Variants in PTPRT observed in about 807,000 individuals in gnomAD.
PTPRT encodes the protein protein tyrosine phosphatase receptor type T.
A neutral mutation model predicts 176.8 loss-of-function variants in PTPRT; 56 were observed. That is an observed-to-expected ratio of 0.32 (90% CI 0.26 to 0.40). The LOEUF (loss-of-function observed/expected upper bound fraction) is 0.40, where lower values mean the gene tolerates loss of function less well. Ranked by LOEUF, PTPRT falls within the 10% of genes least tolerant of loss-of-function variation. The probability of loss-of-function intolerance (pLI) is 1.00; values close to 1 mark genes in which losing one functional copy is unlikely to be tolerated. For missense variants in PTPRT, 1,540 were observed against 1,908.2 expected, an observed-to-expected ratio of 0.81 and a Z score of 3.60; for synonymous variants, 783 against 739.0, an observed-to-expected ratio of 1.06 and a Z score of -0.96.
At chr20:42,319,478 A>G (rs59394265) in intron 11 of PTPRT, among the ~76,000 whole-genome samples, 2,057 of 152,276 alleles carry the variant, frequency 0.014, 42 homozygotes, top group African/African-American at 0.046. Flanking sequence ...TATTGTGCCA[A>G]AATATACCCA....
chr20:42,515,817 C>T lies in PTPRT; in HGVS notation c.1154-43255G>A, dbSNP rs528740913. Reference sequence around the variant, plus strand: ...GACACATGCACACGTATGTTTATTGCGGCATTATTCACAATAGCAAAGACT... The same window carrying T: ...GACACATGCACACGTATGTTTATTGTGGCATTATTCACAATAGCAAAGACT... On this transcript the variant is annotated intron_variant, in intron 7 of 30. Transcript: ENST00000373187. 7.9e-3 allele frequency among the ~76,000 whole-genome samples: 1,193 copies of T among 150,780 alleles called. 21 individuals are homozygous for T. The highest frequency in any genetic ancestry group is 0.028 in the African/African-American group (1,143 of 40,916).
rs1163715131 is a variant in PTPRT at position 42,074,004 on chromosome 20, A to C, written c.*6875T>G. ...CTATTAAGTTTCACTCATGGGTCCTAGTTATACTCAGAGGAGTGACCTGGG... is the reference window on the plus strand; with the variant it reads ...CTATTAAGTTTCACTCATGGGTCCTCGTTATACTCAGAGGAGTGACCTGGG... On this transcript the variant is annotated 3_prime_UTR_variant, in exon 31 of 31. Transcript: ENST00000373187. 4.3e-6 allele frequency: 1 copy of C among 230,468 alleles called. No individual in the cohort carries two copies. The highest frequency in any genetic ancestry group is 2.2e-5 in the African/African-American group (1 of 45,178). The allele number at this position is 230,468 out of a possible 1,614,324, so 14.3% of individuals were successfully genotyped here. A position where few individuals can be genotyped will look rare whatever the true frequency, so the allele number is the denominator to read the frequency against.
intron 3 of PTPRT, among the ~76,000 whole-genome samples, chr20:42,781,968 A>G (rs2077221679): frequency 6.6e-6 from 1 of 152,158 alleles, no homozygotes; most frequent in South Asian, 2.1e-4. Flanking sequence ...ATCTTTAATT[A>G]TAGTGTCTAC....
chr20:42,626,941 G>A (rs1169429060), intron 7 of PTPRT, among the ~76,000 whole-genome samples: 2 of 152,174 alleles, frequency 1.3e-5, no homozygotes, highest in Non-Finnish European at 2.9e-5. Context: ...GAGAACCACT[G>A]TCATTCATTT....
chr20:42,926,022 G>A (rs1163867065), intron 1 of PTPRT, among the ~76,000 whole-genome samples: 1 of 152,216 alleles, frequency 6.6e-6, no homozygotes. Flanking sequence ...ACCCTGCCAG[G>A]TAAAGCTTTT....
chr20:42,897,778 T>C (rs1030509555), intron 1 of PTPRT, among the ~76,000 whole-genome samples: 2 of 152,190 alleles, frequency 1.3e-5, no homozygotes, highest in Admixed American at 1.3e-4. Flanking sequence ...TTCTATGTGC[T>C]TCATTTCTCC....
chr20:42,191,496 G>T (rs1182113772), intron 16 of PTPRT, among the ~76,000 whole-genome samples: 1 of 152,168 alleles, frequency 6.6e-6, no homozygotes, highest in African/African-American at 2.4e-5. Context: ...CATTCCGTGG[G>T]CATGGACCAA....
chr20:42,059,556 T>C, the PTPRT span, among the ~76,000 whole-genome samples: 6 of 152,174 alleles, frequency 3.9e-5, no homozygotes, highest in South Asian at 2.1e-4. Flanking sequence ...AAAAAGGCAG[T>C]GTTTTTTATG....
chr20:42,917,043 A>G (rs1248612852), intron 1 of PTPRT, among the ~76,000 whole-genome samples: 3 of 152,170 alleles, frequency 2.0e-5, no homozygotes, highest in African/African-American at 7.2e-5. Context: ...GCCCATGCCT[A>G]TATCCTGAAT....
intron 22 of PTPRT, among the ~76,000 whole-genome samples, chr20:42,113,584 G>C (rs1987125661): frequency 6.6e-6 from 1 of 152,222 alleles, no homozygotes; most frequent in East Asian, 1.9e-4. Context: ...ACGCCTTAAG[G>C]GGGACAACTC....
At chr20:43,038,956 G>T (rs751622049) in intron 1 of PTPRT, among the ~76,000 whole-genome samples, 1 of 152,176 alleles carries the variant, frequency 6.6e-6, no homozygotes, top group Non-Finnish European at 1.5e-5. Flanking sequence ...ATGCCAGGAG[G>T]TATGTTGTAC....
At chr20:42,969,146 T>C (rs1364821470) in intron 1 of PTPRT, 1 of 152,248 alleles carries the variant, frequency 6.6e-6, no homozygotes, top group East Asian at 1.9e-4. Flanking sequence ...AGGAAAATGC[T>C]CTTTTGGTGA....
At chr20:42,084,907 A>C (rs1983726642) in intron 28 of PTPRT, 62 bp from the exon 29 acceptor site, 1 of 1,318,574 alleles carries the variant, frequency 7.6e-7, no homozygotes. Flanking sequence ...TGCACCTTGC[A>C]GATACCCCGG....
At chr20:42,947,294 T>C (rs1340057500) in intron 1 of PTPRT, among the ~76,000 whole-genome samples, 1 of 152,210 alleles carries the variant, frequency 6.6e-6, no homozygotes, top group African/African-American at 2.4e-5. Flanking sequence ...CTAGAGAGAC[T>C]TGTGCTTGTT....
intron 2 of PTPRT, among the ~76,000 whole-genome samples, chr20:42,794,784 G>T (rs1286586722): frequency 4.7e-5 from 7 of 149,636 alleles, no homozygotes; most frequent in Admixed American, 2.0e-4. Context: ...AGCCTTGGTG[G>T]TAACTTGGGA....
chr20:43,160,316 C>T (rs976842628), intron 1 of PTPRT, among the ~76,000 whole-genome samples: 6 of 152,228 alleles, frequency 3.9e-5, no homozygotes, highest in Non-Finnish European at 7.3e-5. Context: ...GGCTTGGTTA[C>T]TGACACACAA....
At chr20:42,915,383 G>C (rs569314948) in intron 1 of PTPRT, among the ~76,000 whole-genome samples, 2 of 152,342 alleles carry the variant, frequency 1.3e-5, no homozygotes, top group African/African-American at 2.4e-5. Context: ...CCCCCAGCAA[G>C]CTGCCTTCTG....
Position 42,573,745 on chromosome 20 carries a change from C to CTTTTTTTTTTTTT in PTPRT, c.1154-101184_1154-101183insAAAAAAAAAAAAA, listed in dbSNP as rs201228742. Reference sequence around the variant, plus strand: ...AAATGGCAAGACGGACCCTTTCTTTCTTTCTTTTTTTTTTTTTTTTTGAGA... The same window carrying CTTTTTTTTTTTTT: ...AAATGGCAAGACGGACCCTTTCTTTCTTTTTTTTTTTTTTTTCTTTTTTTTTTTTTTTTTGAGA... On this transcript the variant is annotated intron_variant, in intron 7 of 30. Coordinates refer to ENST00000373187, the MANE Select transcript of PTPRT (RefSeq NM_007050.6). Among the ~76,000 whole-genome samples, 329 of 115,464 alleles carry CTTTTTTTTTTTTT rather than the reference C, an allele frequency of 2.8e-3. 13 individuals carry two copies. The highest frequency in any genetic ancestry group is 0.011 in the Middle Eastern group (2 of 180). The allele number at this position is 115,464 out of a possible 152,430, so 75.7% of individuals were successfully genotyped here. A position where few individuals can be genotyped will look rare whatever the true frequency, so the allele number is the denominator to read the frequency against.
At chr20:42,257,561 C>A (rs1600737295) in intron 13 of PTPRT, among the ~76,000 whole-genome samples, 2 of 151,158 alleles carry the variant, frequency 1.3e-5, no homozygotes, top group Admixed American at 1.3e-4. Context: ...GGTTTAGCAC[C>A]ATCCCCTTTG....
Sources: gnomAD v4.1 joint callset for allele counts (sites outside exome capture counted in the v4.1 genomes callset) on GRCh38, gnomAD v4.1.1 for gene constraint, MANE v1.5 for transcripts, NCBI Gene and HGNC (gene_info 2026-07-23, HGNC 2026-07-21) for gene names.